The following DOCK8 variants were observed in gnomAD, a reference collection of about 807,000 sequenced individuals.
DOCK8 encodes dedicator of cytokinesis 8.
DOCK8 carries 141 observed loss-of-function variants against 245.6 expected under a neutral mutation model. The ratio of observed to expected loss-of-function variants is 0.57; its 90% CI spans 0.50 to 0.66. The LOEUF is 0.66. Ranked by LOEUF, DOCK8 falls within the 30% of genes least tolerant of loss-of-function variation. DOCK8 has a pLI of 0.00. For synonymous variants in DOCK8, 1,168 were observed against 970.2 expected (o/e 1.20, Z -3.79); for missense variants, 2,965 against 2,603.4 (o/e 1.14, Z -3.02).
intron 4 of DOCK8, among the ~76,000 whole-genome samples, chr9:294,874 C>T (rs1044658776): frequency 6.6e-6 from 1 of 152,138 alleles, no homozygotes; most frequent in Non-Finnish European, 1.5e-5. Flanking sequence ...AGAAGCCAGA[C>T]AAAGGCCGGG....
At chr9:355,600 C>T (rs1325948635) in intron 14 of DOCK8, among the ~76,000 whole-genome samples, 2 of 152,138 alleles carry the variant, frequency 1.3e-5, no homozygotes, top group South Asian at 2.1e-4. Flanking sequence ...TGTGGAGTCC[C>T]TTACTAAACC....
intron 36 of DOCK8, among the ~76,000 whole-genome samples, chr9:430,803 C>G (rs1176047659): frequency 6.6e-6 from 1 of 152,040 alleles, no homozygotes; most frequent in Admixed American, 6.6e-5. Context: ...CTAGCTAGTG[C>G]CAGAATGACC....
intron 7 of DOCK8, among the ~76,000 whole-genome samples, chr9:322,722 C>G (rs1475361739): frequency 6.6e-6 from 1 of 152,154 alleles, no homozygotes; most frequent in Non-Finnish European, 1.5e-5. Context: ...ATATTCAGGC[C>G]CTTTGTGTAG....
At chr9:419,063 G>A (rs541442940) in intron 30 of DOCK8, among the ~76,000 whole-genome samples, 1 of 152,312 alleles carries the variant, frequency 6.6e-6, no homozygotes, top group African/African-American at 2.4e-5. Flanking sequence ...TTCAGTTGAG[G>A]TGGGATTCAT....
intron 24 of DOCK8, among the ~76,000 whole-genome samples, chr9:391,459 A>T (rs1265873808): frequency 6.6e-6 from 1 of 152,186 alleles, no homozygotes; most frequent in African/African-American, 2.4e-5. Context: ...AAACAGAATG[A>T]AATTTGTATA....
At chr9:387,747 C>A (rs988922874) in intron 23 of DOCK8, among the ~76,000 whole-genome samples, 1 of 152,204 alleles carries the variant, frequency 6.6e-6, no homozygotes, top group African/African-American at 2.4e-5. Context: ...TCCACTTGCT[C>A]TAAAATTTAA....
chr9:443,280 C>G (rs1485023362), intron 42 of DOCK8, 147 bp from the exon 43 acceptor site: 3 of 761,814 alleles, frequency 3.9e-6, no homozygotes, highest in Non-Finnish European at 6.7e-6. Context: ...AAATGCTGAA[C>G]TTTGCTCATT....
intron 22 of DOCK8, among the ~76,000 whole-genome samples, chr9:385,365 G>A (rs959336441): frequency 2.0e-5 from 3 of 152,084 alleles, no homozygotes; most frequent in Admixed American, 1.3e-4. Flanking sequence ...GAAATGCAAT[G>A]AAAGTCATAT....
At chr9:347,315 G>T (rs1456565895) in intron 14 of DOCK8, among the ~76,000 whole-genome samples, 1 of 152,050 alleles carries the variant, frequency 6.6e-6, no homozygotes, top group Non-Finnish European at 1.5e-5. Context: ...ACCAGCCTAG[G>T]CAACATAGCA....
chr9:257,429 C>G (rs1398071802), intron 1 of DOCK8, among the ~76,000 whole-genome samples: 1 of 152,214 alleles, frequency 6.6e-6, no homozygotes, highest in African/African-American at 2.4e-5. Flanking sequence ...TGGAATTTTT[C>G]TGCCAGCAAT....
At chr9:358,461 T>G (rs1038428652) in intron 14 of DOCK8, among the ~76,000 whole-genome samples, 1 of 152,126 alleles carries the variant, frequency 6.6e-6, no homozygotes, top group African/African-American at 2.4e-5. Context: ...AATTTCTGAG[T>G]GAAAGGAAAA....
In DOCK8 at chr9:372,217, A is replaced by C. The variant is rs138021743; in HGVS notation, c.2040A>C (p.Gln680His). The change falls in exon 18 of 48, where the codon CAA (glutamine) becomes CAC (histidine). Residue 680 changes from glutamine (Q) to histidine (H), a missense_variant. Physicochemically the swap from Gln to His is conservative, Grantham distance 24 (BLOSUM62 0). Transcript: ENST00000432829. ...WLPILLNERL[Q>H]TGSYCLPVAL... ...CAATTCTCTTAAATGAACGTCTTCA[A>C]ACTGGATCCTACTGTCTCCCAGTTG... is the stretch of plus-strand genomic sequence containing the variant. 5.0e-6 allele frequency: 8 copies of C among 1,614,038 alleles called. No individual in the cohort carries two copies. The African/African-American group carries it at 9.3e-5, about 19-fold the overall frequency.
chr9:248,303 A>G (rs903802677), intron 1 of DOCK8, among the ~76,000 whole-genome samples: 1 of 152,230 alleles, frequency 6.6e-6, no homozygotes, highest in Non-Finnish European at 1.5e-5. Flanking sequence ...TTAAGCCGTC[A>G]ATACTGAACA....
chr9:423,210 A>G (rs1269577988), intron 33 of DOCK8, among the ~76,000 whole-genome samples: 1 of 152,312 alleles, frequency 6.6e-6, no homozygotes, highest in East Asian at 1.9e-4. Flanking sequence ...AAATGAAAGA[A>G]TAAAAAAACC....
chr9:429,111 C>T (rs113032391), intron 35 of DOCK8, among the ~76,000 whole-genome samples: 48 of 152,242 alleles, frequency 3.2e-4, no homozygotes, highest in Admixed American at 9.8e-4. Context: ...GGATTATAGG[C>T]GTGTGCCACC....
chr9:332,727 G>A (rs1484736903), intron 10 of DOCK8, among the ~76,000 whole-genome samples: 8 of 138,334 alleles, frequency 5.8e-5, no homozygotes, highest in African/African-American at 1.6e-4. Context: ...GTGCAATCAC[G>A]GCCCCCTACA....
At chr9:222,243 A>G (rs546545174) in intron 1 of DOCK8, among the ~76,000 whole-genome samples, 1 of 152,130 alleles carries the variant, frequency 6.6e-6, no homozygotes, top group African/African-American at 2.4e-5. Context: ...AGCCTGGGCC[A>G]CAGAGTGAAA....
intron 21 of DOCK8, 142 bp from the exon 22 acceptor site, chr9:382,371 C>G (rs536377409): frequency 8.6e-7 from 1 of 1,168,604 alleles, no homozygotes; most frequent in East Asian, 2.3e-5. Context: ...CTACCCCAAC[C>G]AGGATTTGTT....
At chr9:395,531 T>TTAGTAGTAGTAGTAGTAG (rs60738310) in intron 24 of DOCK8, among the ~76,000 whole-genome samples, 5 of 149,376 alleles carry the variant, frequency 3.3e-5, no homozygotes, top group Admixed American at 1.3e-4. Context: ...TCCAGTGCCA[T>TTAGTAGTAGTAGTAGTAG]TAGTAGTAGT....
Sources: allele counts gnomAD v4.1 joint callset (sites outside exome capture counted in the v4.1 genomes callset), GRCh38; gene constraint gnomAD v4.1.1; transcripts MANE v1.5; gene names NCBI Gene and HGNC (gene_info 2026-07-23, HGNC 2026-07-21).